Variants in ACAT1 observed in about 807,000 individuals in gnomAD.
ACAT1 encodes acetyl-CoA acetyltransferase, mitochondrial.
Under a neutral mutation model 47.3 loss-of-function variants are expected in ACAT1, and 28 were observed. That is an observed-to-expected ratio of 0.59 (90% CI 0.44 to 0.81). The LOEUF (loss-of-function observed/expected upper bound fraction) is 0.81, where lower values mean the gene tolerates loss of function less well. ACAT1 is among the 30% of genes least tolerant of loss of function. The pLI, the probability that ACAT1 is intolerant of heterozygous loss-of-function variation, is 0.00. For missense variants in ACAT1, 469 were observed against 524.3 expected (o/e 0.89, Z 1.03); for synonymous variants, 181 against 173.6 (o/e 1.04, Z -0.34).
chr11:108,118,048 G>T (rs1427881971), upstream of ACAT1, among the ~76,000 whole-genome samples: 1 of 152,154 alleles, frequency 6.6e-6, no homozygotes, highest in Non-Finnish European at 1.5e-5. Flanking sequence ...TAATACATCT[G>T]TCCAGACACT....
intron 1 of ACAT1, among the ~76,000 whole-genome samples, chr11:108,126,287 G>A (rs2077246475): frequency 6.6e-6 from 1 of 152,218 alleles, no homozygotes; most frequent in South Asian, 2.1e-4. Context: ...ATAGGCATGA[G>A]CCACTAGGCC....
chr11:108,140,302 G>C, intron 7 of ACAT1, 87 bp downstream of exon 7: 1 of 1,518,048 alleles, frequency 6.6e-7, no homozygotes, highest in Non-Finnish European at 9.1e-7. Context: ...ACATTATCTT[G>C]GTTCATTTCA....
upstream of ACAT1, chr11:108,121,308 G>A: frequency 1.9e-6 from 1 of 532,100 alleles, no homozygotes; most frequent in Non-Finnish European, 3.4e-6. Flanking sequence ...ATAAACCACC[G>A]GCCCCGGCAG....
intron 6 of ACAT1, among the ~76,000 whole-genome samples, chr11:108,139,492 T>C (rs971130779): frequency 2.0e-5 from 3 of 151,842 alleles, no homozygotes; most frequent in Non-Finnish European, 4.4e-5. Flanking sequence ...CTCAGGAGGC[T>C]GAGGCAGGAG....
rs770518127 is a variant in ACAT1 at position 108,135,163 on chromosome 11, G to A, written c.356G>A (p.Cys119Tyr). 5.3e-5 allele frequency: 85 copies of A among 1,613,492 alleles called. No homozygotes were observed. The highest frequency in any genetic ancestry group is 6.9e-5 in the Non-Finnish European group (81 of 1,179,692). ...LGAGLPISTPCTTINKVCASG... is the reference protein window; with the variant it reads ...LGAGLPISTPYTTINKVCASG... Reference sequence around the variant, plus strand: ...TTAGGCTTACCTATTTCTACTCCATGTACCACCATAAACAAAGTTTGTGCT... The same window carrying A: ...TTAGGCTTACCTATTTCTACTCCATATACCACCATAAACAAAGTTTGTGCT... The change falls in exon 5 of 12, where the codon TGT becomes TAT. Residue 119 changes from cysteine to tyrosine, a missense_variant. Cys to Tyr is a radical substitution (Grantham distance 194). Transcript: ENST00000265838.
Position 108,121,636 on chromosome 11 carries a change from C to G in ACAT1, c.30C>G (p.Ser10Arg), listed in dbSNP as rs1337885330. 6.4e-7 allele frequency: 1 copy of G among 1,550,698 alleles called. No homozygotes were observed. The highest frequency in any genetic ancestry group is 2.4e-5 in the East Asian group (1 of 41,074). MAVLAALLR[S>R]GARSRSPLLR... ...CTGTGCTGGCGGCACTTCTGCGCAG[C>G]GGCGCCCGCAGCCGCAGCCCCCTGC... The change falls in exon 1 of 12, where the codon AGC (serine) becomes AGG (arginine). Residue 10 changes from serine to arginine, a missense_variant. By Grantham distance (110) the Ser-to-Arg change is moderately radical. Coordinates refer to ENST00000265838, the MANE Select transcript of ACAT1 (RefSeq NM_000019.4).
rs543907857 is a variant in ACAT1 at position 108,144,749 on chromosome 11, G to A, written c.1005+702G>A. On this transcript the variant is annotated intron_variant, in intron 10 of 11. Transcript: ENST00000265838. The stretch of plus-strand genomic sequence containing the variant: ...ATCAGTAGGAAACAAGAATAGAGAA[G>A]ATCAGAAACAAGGGGCCAGTGGAGT... 2.0e-5 allele frequency among the ~76,000 whole-genome samples: 3 copies of A among 152,120 alleles called. No homozygotes were observed. The South Asian group carries it at 6.2e-4, about 32-fold the overall frequency.
upstream of ACAT1, among the ~76,000 whole-genome samples, chr11:108,119,043 C>A (rs1300279558): frequency 6.6e-6 from 1 of 152,196 alleles, no homozygotes; most frequent in South Asian, 2.1e-4. Flanking sequence ...CCAATTGCAA[C>A]TGTGTCACTA....
chr11:108,125,298 G>A (rs559180552), intron 1 of ACAT1, among the ~76,000 whole-genome samples: 2 of 152,264 alleles, frequency 1.3e-5, no homozygotes, highest in East Asian at 3.9e-4. Context: ...AACTTAATGG[G>A]TTGTGTTCAT....
chr11:108,144,146 CAG>C, intron 10 of ACAT1, 99 bp downstream of exon 10: 4 of 1,342,382 alleles, frequency 3.0e-6, no homozygotes, highest in East Asian at 2.3e-5. Context: ...TCTGCCAAAG[CAG>C]AGAGATAGCT....
At position 108,147,442 on chromosome 11, in the gene ACAT1, T is replaced by C; in HGVS notation, c.*52T>C. The stretch of plus-strand genomic sequence containing the variant: ...CCCTATGTGACCAGAAGGCCTGCTG[T>C]AATCAGTGTGACTACTGTGGGTCAG... On this transcript the variant is annotated 3_prime_UTR_variant, in exon 12 of 12. Transcript: ENST00000265838. The C allele has an allele frequency of 1.3e-6, 2 of 1,590,452 alleles. No homozygotes were observed. Among genetic ancestry groups the C allele is most frequent in the Non-Finnish European group, 1.7e-6 (2 of 1,162,946 alleles).
At position 108,147,458 on chromosome 11, in the gene ACAT1, T is replaced by TA; in HGVS notation, c.*68_*69insA. 6.3e-7 allele frequency: 1 copy of TA among 1,586,004 alleles called. No homozygotes were observed. On this transcript the variant is annotated 3_prime_UTR_variant, in exon 12 of 12. Transcript: ENST00000265838. ...GGCCTGCTGTAATCAGTGTGACTACTGTGGGTCAGCTTATATTCAGATAAG... is the reference window on the plus strand; with the variant it reads ...GGCCTGCTGTAATCAGTGTGACTACTAGTGGGTCAGCTTATATTCAGATAAG...
chr11:108,135,673 C>A (rs916304453), intron 5 of ACAT1, among the ~76,000 whole-genome samples: 3 of 151,968 alleles, frequency 2.0e-5, no homozygotes, highest in Admixed American at 2.0e-4. Context: ...ACTAAAAATA[C>A]AAAAATTAGC....
chr11:108,125,480 G>A (rs1304190511), intron 1 of ACAT1, among the ~76,000 whole-genome samples: 1 of 152,106 alleles, frequency 6.6e-6, no homozygotes, highest in Non-Finnish European at 1.5e-5. Flanking sequence ...TTGGAGGGGT[G>A]GATAATAAAA....
chr11:108,145,140 A>G (rs1475880188), intron 10 of ACAT1, among the ~76,000 whole-genome samples: 1 of 152,100 alleles, frequency 6.6e-6, no homozygotes, highest in Admixed American at 6.5e-5. Context: ...AATGTTTTAA[A>G]AAGTATTAGC....
At chr11:108,139,505 T>C (rs1235656313) in intron 6 of ACAT1, among the ~76,000 whole-genome samples, 1 of 151,618 alleles carries the variant, frequency 6.6e-6, no homozygotes, top group Non-Finnish European at 1.5e-5. Context: ...GGCAGGAGAA[T>C]TGCTTGAACC....
At chr11:108,129,264 T>G (rs1240896346) in intron 1 of ACAT1, 1 of 152,252 alleles carries the variant, frequency 6.6e-6, no homozygotes, top group Non-Finnish European at 1.5e-5. Context: ...ATATACCACA[T>G]TTGCTTTATC....
intron 1 of ACAT1, chr11:108,121,927 G>A: frequency 5.3e-6 from 3 of 567,012 alleles, no homozygotes; most frequent in Non-Finnish European, 9.4e-6. Flanking sequence ...AGCGTTACTG[G>A]TGTGTCAAAC....
At chr11:108,139,650 GTA>G (rs887452955) in intron 6 of ACAT1, among the ~76,000 whole-genome samples, 3 of 151,846 alleles carry the variant, frequency 2.0e-5, no homozygotes, top group African/African-American at 7.3e-5. Flanking sequence ...ATGTGTGTGT[GTA>G]TATATATATG....
Sources: allele counts gnomAD v4.1 joint callset (sites outside exome capture counted in the v4.1 genomes callset), GRCh38; gene constraint gnomAD v4.1.1; transcripts MANE v1.5; gene names NCBI Gene and HGNC (gene_info 2026-07-23, HGNC 2026-07-21).